The following AGBL4 variants were observed in gnomAD, a reference collection of about 807,000 sequenced individuals.
AGBL4 encodes cytosolic carboxypeptidase 6.
AGBL4 carries 58 observed loss-of-function variants against 66.4 expected under a neutral mutation model. The observed-to-expected ratio is 0.87, with a 90% confidence interval of 0.71 to 1.09. AGBL4 has a LOEUF of 1.09. Ranked by LOEUF, AGBL4 falls within the 50% of genes least tolerant of loss-of-function variation. AGBL4 has a pLI of 0.00. For synonymous variants in AGBL4, 234 were observed against 222.9 expected (o/e 1.05, Z -0.44); for missense variants, 579 against 631.0 (o/e 0.92, Z 0.88).
At chr1:48,766,856 T>A (rs555254293) in intron 6 of AGBL4, among the ~76,000 whole-genome samples, 9 of 152,344 alleles carry the variant, frequency 5.9e-5, no homozygotes, top group African/African-American at 2.2e-4. Context: ...GAACATTTAC[T>A]GTTCCTGTTT....
chr1:49,492,795 T>A (rs1647225077), intron 3 of AGBL4, among the ~76,000 whole-genome samples: 1 of 151,868 alleles, frequency 6.6e-6, no homozygotes, highest in South Asian at 2.1e-4. Flanking sequence ...TCATGGAAGG[T>A]TAGAAGAGCA....
At chr1:49,910,166 G>T (rs1353637632) in intron 1 of AGBL4, among the ~76,000 whole-genome samples, 1 of 152,140 alleles carries the variant, frequency 6.6e-6, no homozygotes, top group Admixed American at 6.5e-5. Context: ...AAGGTTTAAG[G>T]TTCAGGAAAA....
At chr1:48,527,459 T>C in the AGBL4 span, among the ~76,000 whole-genome samples, 1 of 151,292 alleles carries the variant, frequency 6.6e-6, no homozygotes, top group East Asian at 1.9e-4. Flanking sequence ...TAACTGGGCG[T>C]GTTGGTGCGC....
At chr1:49,214,313 T>C (rs902001609) in intron 4 of AGBL4, among the ~76,000 whole-genome samples, 1 of 152,028 alleles carries the variant, frequency 6.6e-6, no homozygotes, top group African/African-American at 2.4e-5. Context: ...TGCACAAAAA[T>C]GGGGCTGGTG....
chr1:48,872,272 A>G (rs1481751060), intron 5 of AGBL4, among the ~76,000 whole-genome samples: 1 of 152,192 alleles, frequency 6.6e-6, no homozygotes. Flanking sequence ...TATATATAAT[A>G]AATGAAGTAC....
At chr1:48,524,768 G>GCA in the AGBL4 span, among the ~76,000 whole-genome samples, 3 of 151,290 alleles carry the variant, frequency 2.0e-5, no homozygotes, top group Non-Finnish European at 2.9e-5. Flanking sequence ...CATAATGGTA[G>GCA]CACACACACA....
At chr1:49,218,413 T>A (rs900357848) in intron 4 of AGBL4, among the ~76,000 whole-genome samples, 5 of 152,060 alleles carry the variant, frequency 3.3e-5, no homozygotes, top group African/African-American at 1.2e-4. Flanking sequence ...TCTAAGAGGA[T>A]AAAGTGCAAG....
At chr1:49,261,286 A>G (rs1237116524) in intron 3 of AGBL4, among the ~76,000 whole-genome samples, 5 of 152,036 alleles carry the variant, frequency 3.3e-5, no homozygotes, top group Admixed American at 2.6e-4. Flanking sequence ...CCTATTCAAC[A>G]TAGTGTTGGA....
At chr1:48,558,264 CTTAACT>C (rs1175662404) in intron 11 of AGBL4, among the ~76,000 whole-genome samples, 1 of 152,186 alleles carries the variant, frequency 6.6e-6, no homozygotes, top group Non-Finnish European at 1.5e-5. Flanking sequence ...ATTTTCTAGC[CTTAACT>C]TGACAGTGCA....
rs147832317 is a variant in AGBL4 at position 49,609,143 on chromosome 1, C to T, written c.282+88170G>A. Among the ~76,000 whole-genome samples the T allele has an allele frequency of 7.8e-4, 118 of 152,090 alleles. 2 individuals carry two copies. The highest frequency in any genetic ancestry group is 1.0e-4 in the Non-Finnish European group (7 of 68,004). On this transcript the variant is annotated intron_variant, in intron 3 of 13. Transcript: ENST00000371839. ...AAAGGTCCGCATTGTAACCACAAGG[C>T]GATATATGCAAGGACAACAGCCAAG...
intron 5 of AGBL4, among the ~76,000 whole-genome samples, chr1:48,963,937 G>C (rs928417613): frequency 6.6e-6 from 1 of 152,078 alleles, no homozygotes; most frequent in Non-Finnish European, 1.5e-5. Flanking sequence ...TATGTGCAAG[G>C]CTCTGTGTAA....
chr1:49,410,827 A>G (rs1645300177), intron 3 of AGBL4, among the ~76,000 whole-genome samples: 2 of 152,226 alleles, frequency 1.3e-5, no homozygotes, highest in Admixed American at 1.3e-4. Flanking sequence ...TGATGATGAC[A>G]ACAATGACAG....
chr1:49,814,530 A>G (rs1645184798), intron 2 of AGBL4, among the ~76,000 whole-genome samples: 1 of 152,062 alleles, frequency 6.6e-6, no homozygotes, highest in African/African-American at 2.4e-5. Context: ...TAATAAATTA[A>G]TGAGTGAGGA....
intron 4 of AGBL4, among the ~76,000 whole-genome samples, chr1:49,051,604 G>A (rs776393526): frequency 2.6e-5 from 4 of 152,096 alleles, no homozygotes; most frequent in South Asian, 4.1e-4. Flanking sequence ...AACAACCAAG[G>A]CTATCACCTA....
chr1:48,801,396 A>G (rs1645802351), intron 6 of AGBL4, among the ~76,000 whole-genome samples: 1 of 152,094 alleles, frequency 6.6e-6, no homozygotes, highest in Non-Finnish European at 1.5e-5. Context: ...AAATTATTAC[A>G]AAGTTTAGTT....
intron 3 of AGBL4, among the ~76,000 whole-genome samples, chr1:49,606,544 C>T (rs957876077): frequency 6.6e-6 from 1 of 152,094 alleles, no homozygotes; most frequent in Non-Finnish European, 1.5e-5. Flanking sequence ...GAAGCTGTTT[C>T]AGTCTTGAAG....
intron 1 of AGBL4, among the ~76,000 whole-genome samples, chr1:49,900,862 T>C (rs1649696893): frequency 6.6e-6 from 1 of 152,212 alleles, no homozygotes; most frequent in Admixed American, 6.5e-5. Flanking sequence ...AATGTTTAGG[T>C]AACCTCTGCA....
chr1:49,649,520 T>C (rs1305260704), intron 3 of AGBL4, among the ~76,000 whole-genome samples: 2 of 152,252 alleles, frequency 1.3e-5, no homozygotes. Context: ...ACTATTATGG[T>C]TGGAAACTTC....
intron 3 of AGBL4, among the ~76,000 whole-genome samples, chr1:49,495,565 T>C (rs1320566091): frequency 1.3e-5 from 2 of 151,506 alleles, no homozygotes; most frequent in African/African-American, 4.8e-5. Context: ...AAACCAGGTT[T>C]GGAGAACCTG....
Sources: gnomAD v4.1 joint callset for allele counts (sites outside exome capture counted in the v4.1 genomes callset) on GRCh38, gnomAD v4.1.1 for gene constraint, MANE v1.5 for transcripts, NCBI Gene and HGNC (gene_info 2026-07-23, HGNC 2026-07-21) for gene names.